The following PHACTR4 variants were observed in gnomAD, a reference collection of about 807,000 sequenced individuals.
PHACTR4 encodes the protein protein phosphatase 1, regulatory subunit 124.
PHACTR4 carries 51 observed loss-of-function variants against 72.7 expected under a neutral mutation model. The observed-to-expected ratio is 0.70, with a 90% CI of 0.56 to 0.89. The LOEUF is 0.89. Among genes scored for constraint, PHACTR4 ranks in the 40% least tolerant of loss-of-function variants. The pLI is 0.00. For synonymous variants in PHACTR4, 255 were observed against 302.5 expected, an observed-to-expected ratio of 0.84 and a Z score of 1.63; for missense variants, 731 against 861.8, an observed-to-expected ratio of 0.85 and a Z score of 1.90.
At chr1:28,447,833 G>A (rs1286034889) in intron 2 of PHACTR4, among the ~76,000 whole-genome samples, 4 of 152,042 alleles carry the variant, frequency 2.6e-5, no homozygotes, top group Admixed American at 6.6e-5. Context: ...TTCTCCTGAC[G>A]GCTTTACCGA....
rs778921662 is a variant in PHACTR4 at position 28,491,718 on chromosome 1, G to T, written c.1947G>T (p.Glu649Asp). 5.0e-6 allele frequency: 8 copies of T among 1,614,022 alleles called. No homozygotes were observed. The highest frequency in any genetic ancestry group is 1.1e-5 in the South Asian group (1 of 91,066). The change falls in exon 12 of 14, where the codon GAG becomes GAT. Residue 649 changes from glutamate (E) to aspartate (D), a missense_variant. Physicochemically the swap from Glu to Asp is conservative, Grantham distance 45 (BLOSUM62 2). Coordinates refer to ENST00000373839, the MANE Select transcript of PHACTR4 (RefSeq NM_001048183.3). ...RKILRFNEYVEVTDAQDYDRR... is the reference protein window; with the variant it reads ...RKILRFNEYVDVTDAQDYDRR... ...TTCTGAGGTTTAATGAATATGTAGA[G>T]GTAACAGATGCTCAAGATTATGACC...
chr1:28,435,533 GGGATTATA>G (rs1005996507), intron 2 of PHACTR4, among the ~76,000 whole-genome samples: 6 of 152,210 alleles, frequency 3.9e-5, no homozygotes, highest in Admixed American at 6.5e-5. Context: ...CTAAAGTGCT[GGGATTATA>G]GGCGTGAGCC....
intron 10 of PHACTR4, 22 bp from the exon 11 acceptor site, chr1:28,490,929 T>C: frequency 3.1e-6 from 5 of 1,607,408 alleles, no homozygotes; most frequent in Non-Finnish European, 4.3e-6. Flanking sequence ...TAATATTCCT[T>C]CCTTCTGATT....
intron 2 of PHACTR4, among the ~76,000 whole-genome samples, chr1:28,425,562 T>A (rs994734146): frequency 4.6e-5 from 7 of 152,260 alleles, no homozygotes; most frequent in African/African-American, 1.7e-4. Context: ...TAGTAGAGAA[T>A]GAAGGCTATA....
chr1:28,458,472 A>AG (rs1472259795), intron 2 of PHACTR4, among the ~76,000 whole-genome samples: 2 of 152,076 alleles, frequency 1.3e-5, no homozygotes, highest in Non-Finnish European at 2.9e-5. Context: ...AGGCACTACT[A>AG]TGGTAAACAA....
Position 28,396,848 on chromosome 1 carries a change from T to TC in PHACTR4, c.-38-10562_-38-10561insC, listed in dbSNP as rs1553185046. Among the ~76,000 whole-genome samples the TC allele has an allele frequency of 6.2e-5, 5 of 80,840 alleles. No individual in the cohort carries two copies. The South Asian group carries it at 1.3e-3, about 22-fold the overall frequency. 53.0% of individuals were successfully genotyped at this position (80,840 alleles called of 152,430 possible). A position where few individuals can be genotyped will look rare whatever the true frequency, so the allele number is the denominator to read the frequency against. ...TAATTTCTTTCTTTCTTTCTTTCTTTTTTTTTTTTTTTTTTTGTATTTTTA... is the reference window on the plus strand; with the variant it reads ...TAATTTCTTTCTTTCTTTCTTTCTTTCTTTTTTTTTTTTTTTTGTATTTTTA... On this transcript the variant is annotated intron_variant, in intron 1 of 13. Transcript: ENST00000373839.
intron 4 of PHACTR4, among the ~76,000 whole-genome samples, chr1:28,463,359 C>G (rs1210867762): frequency 1.3e-5 from 2 of 152,130 alleles, no homozygotes; most frequent in Non-Finnish European, 2.9e-5. Context: ...TTGCAGAACC[C>G]TCTATATTTA....
rs773434408 is a variant in PHACTR4, at chr1:28,480,557, G to A, written c.1713G>A (p.Lys571=). 6.2e-7 allele frequency: 1 copy of A among 1,614,068 alleles called. No homozygotes were observed. The highest frequency in any genetic ancestry group is 8.5e-7 in the Non-Finnish European group (1 of 1,180,034). ...LNLNSWPCKS[K]EEWNEIRHQI... ...TGAATTCTTGGCCTTGTAAAAGCAA[G>A]GAGGAGTGGAATGAAATACGGCACC... Residue 571 remains lysine, a synonymous_variant, in exon 9 of 14, where the codon AAG becomes AAA. Transcript: ENST00000373839.
At chr1:28,453,899 A>C (rs983775925) in intron 2 of PHACTR4, 1 of 815,256 alleles carries the variant, frequency 1.2e-6, no homozygotes, top group Non-Finnish European at 2.0e-6. Flanking sequence ...AGGACCCTGG[A>C]TGTAATTCAG....
intron 2 of PHACTR4, among the ~76,000 whole-genome samples, chr1:28,449,517 G>A (rs749985463): frequency 1.3e-5 from 2 of 151,988 alleles, no homozygotes; most frequent in Non-Finnish European, 2.9e-5. Context: ...AAGATGAAAG[G>A]TGCTAAGTGG....
chr1:28,493,971 G>A (rs781104608), intron 13 of PHACTR4, among the ~76,000 whole-genome samples: 4 of 152,122 alleles, frequency 2.6e-5, no homozygotes, highest in Admixed American at 1.3e-4. Flanking sequence ...TTGGAATTAC[G>A]GTTGTGATTA....
At chr1:28,438,569 G>A in intron 2 of PHACTR4, 1 of 913,320 alleles carries the variant, frequency 1.1e-6, no homozygotes, top group Non-Finnish European at 1.6e-6. Flanking sequence ...TGTGAAGAAT[G>A]AATGAAGTCA....
Position 28,409,869 on chromosome 1 carries a change from G to A in PHACTR4, c.16+2406G>A, listed in dbSNP as rs1208398210. On this transcript the variant is annotated intron_variant, in intron 2 of 13. Transcript: ENST00000373839. Reference sequence around the variant, plus strand: ...CCTGAAGAGTAGTTTTTAGGATTATGCCTAGTTCATCAATTAGATCCATCA... The same window carrying A: ...CCTGAAGAGTAGTTTTTAGGATTATACCTAGTTCATCAATTAGATCCATCA... Among the ~76,000 whole-genome samples the A allele has an allele frequency of 2.0e-5, 3 of 149,530 alleles. No individual in the cohort carries two copies. In the East Asian group the frequency reaches 6.0e-4, roughly 30 times the overall value.
chr1:28,437,700 TC>T (rs1484438360), intron 2 of PHACTR4, among the ~76,000 whole-genome samples: 1 of 152,098 alleles, frequency 6.6e-6, no homozygotes, highest in Non-Finnish European at 1.5e-5. Flanking sequence ...AAAGTACTAA[TC>T]CTATTAGTGA....
intron 2 of PHACTR4, among the ~76,000 whole-genome samples, chr1:28,410,170 C>G (rs189712222): frequency 0.024 from 3,605 of 150,970 alleles, 86 homozygotes; most frequent in Non-Finnish European, 0.035. Context: ...GTTTCACCAT[C>G]TTGGCCAGGA....
At chr1:28,388,292 A>G (rs1053668167) in intron 1 of PHACTR4, among the ~76,000 whole-genome samples, 24 of 152,242 alleles carry the variant, frequency 1.6e-4, no homozygotes, top group African/African-American at 5.3e-4. Context: ...GAATAAAGCC[A>G]GAGGCATCAT....
chr1:28,495,395 A>G (rs977075734), intron 13 of PHACTR4, among the ~76,000 whole-genome samples: 1 of 152,078 alleles, frequency 6.6e-6, no homozygotes, highest in Non-Finnish European at 1.5e-5. Context: ...AGTGTGAGCC[A>G]CTATGCCTGG....
At chr1:28,372,909 T>C (rs984084937) in intron 1 of PHACTR4, among the ~76,000 whole-genome samples, 3 of 151,994 alleles carry the variant, frequency 2.0e-5, no homozygotes, top group Non-Finnish European at 4.4e-5. Context: ...CTATTGACTA[T>C]TGCTTAATTG....
rs185446501 is a variant in PHACTR4, at chr1:28,427,513, G to A, written c.16+20050G>A. ...TGCATTCCAGCCTGGGCAACAGAGCGAGACCCTGTCTCAAAATAAAAAATA... is the reference window on the plus strand; with the variant it reads ...TGCATTCCAGCCTGGGCAACAGAGCAAGACCCTGTCTCAAAATAAAAAATA... On this transcript the variant is annotated intron_variant, in intron 2 of 13. Transcript: ENST00000373839. 2.7e-3 allele frequency among the ~76,000 whole-genome samples: 404 copies of A among 152,152 alleles called. 3 individuals are homozygous for A. Among genetic ancestry groups the A allele is most frequent in the African/African-American group, 6.1e-3 (252 of 41,534 alleles).
Sources: gnomAD v4.1 joint callset for allele counts (sites outside exome capture counted in the v4.1 genomes callset) on GRCh38, gnomAD v4.1.1 for gene constraint, MANE v1.5 for transcripts, NCBI Gene and HGNC (gene_info 2026-07-23, HGNC 2026-07-21) for gene names.